The following CNR2 variants were observed in gnomAD, a reference collection of about 807,000 sequenced individuals.
The protein encoded by CNR2 is cannabinoid receptor 2, also known as cannabinoid receptor 2 (macrophage).
For synonymous variants in CNR2, 172 were observed against 182.2 expected, an observed-to-expected ratio of 0.94 and a Z score of 0.45; for missense variants, 379 against 439.9, an observed-to-expected ratio of 0.86 and a Z score of 1.24.
intron 1 of CNR2, chr1:23,902,780 G>C: frequency 6.8e-7 from 1 of 1,464,932 alleles, no homozygotes; most frequent in South Asian, 1.4e-5. Context: ...GTTGCCAAGT[G>C]TGGGCTGCGC....
rs1002566624 is a variant in CNR2 at position 23,901,714 on chromosome 1, G to A, written c.-46+11532C>T. On this transcript the variant is annotated intron_variant, in intron 1 of 1. Transcript: ENST00000374472. ...AGGTGTTACTGGATCTGTCCGACAT[G>A]AATTTGGTCAGATTCTGAGCCAGAA... 8.4e-5 allele frequency: 119 copies of A among 1,412,722 alleles called. 2 individuals are homozygous for A. Among genetic ancestry groups the A allele is most frequent in the Non-Finnish European group, 9.3e-5 (93 of 997,214 alleles). The allele number at this position is 1,412,722 out of a possible 1,614,324, so 87.5% of individuals were successfully genotyped here. A position where few individuals can be genotyped will look rare whatever the true frequency, so the allele number is the denominator to read the frequency against.
chr1:23,898,122 G>A (rs1640315350), intron 1 of CNR2, among the ~76,000 whole-genome samples: 1 of 151,808 alleles, frequency 6.6e-6, no homozygotes, highest in Admixed American at 6.6e-5. Context: ...CGCCTCCTGG[G>A]TTCACGCCAT....
At chr1:23,899,366 C>T (rs1343298341) in intron 1 of CNR2, among the ~76,000 whole-genome samples, 1 of 119,306 alleles carries the variant, frequency 8.4e-6, no homozygotes, top group African/African-American at 3.3e-5. Context: ...TTGCTTCTAA[C>T]CTCCAAGGTG....
chr1:23,898,335 C>CCAATT (rs1230917304), intron 1 of CNR2, among the ~76,000 whole-genome samples: 81 of 108,046 alleles, frequency 7.5e-4, no homozygotes, highest in East Asian at 2.2e-3. Flanking sequence ...CCGCGCCCGG[C>CCAATT]TTTTTTTTTT....
rs987957067 is a variant in CNR2 at position 23,873,472 on chromosome 1, G to A, written c.*1063C>T. The A allele has an allele frequency of 3.9e-5, 6 of 152,182 alleles. No homozygotes were observed. Among genetic ancestry groups the A allele is most frequent in the African/African-American group, 9.7e-5 (4 of 41,430 alleles). 9.4% of individuals were successfully genotyped at this position (152,182 alleles called of 1,614,324 possible). A position where few individuals can be genotyped will look rare whatever the true frequency, so the allele number is the denominator to read the frequency against. On this transcript the variant is annotated 3_prime_UTR_variant, in exon 2 of 2. Coordinates refer to ENST00000374472, the MANE Select transcript of CNR2 (RefSeq NM_001841.3). Reference sequence around the variant, plus strand: ...GCTGGTCTCAAACTCCTGACCTCAGGTGATCCACCTGCCTTGGCCTCCCAA... The same window carrying A: ...GCTGGTCTCAAACTCCTGACCTCAGATGATCCACCTGCCTTGGCCTCCCAA...
intron 1 of CNR2, among the ~76,000 whole-genome samples, chr1:23,903,122 C>T (rs1424863798): frequency 6.6e-6 from 1 of 152,060 alleles, no homozygotes; most frequent in Non-Finnish European, 1.5e-5. Flanking sequence ...GGCTGCCACC[C>T]GTGCCCCTAC....
At chr1:23,910,803 G>T (rs1032533794) in intron 1 of CNR2, among the ~76,000 whole-genome samples, 1 of 152,148 alleles carries the variant, frequency 6.6e-6, no homozygotes, top group Admixed American at 6.5e-5. Flanking sequence ...GTTCAGAAAG[G>T]TGATGTAACT....
chr1:23,875,103 C>T lies in CNR2; in HGVS notation c.515G>A (p.Trp172Ter). 6.2e-7 allele frequency: 1 copy of T among 1,601,352 alleles called. No individual in the cohort carries two copies. The highest frequency in any genetic ancestry group is 1.1e-5 in the South Asian group (1 of 88,872). ...AGAGCAGGGCCTGGGACAGCAAGTC[C>T]ATCCCATGAGGGGCAGGTAGGAGAC... is the stretch of plus-strand genomic sequence containing the variant. ...ALVSYLPLMG[W>*]TCCPRPCSEL... Residue 172 changes from tryptophan (W) to a stop codon, truncating the protein, a stop_gained, in exon 2 of 2, where the codon TGG (tryptophan) becomes TAG (stop). Transcript: ENST00000374472. LOFTEE classifies it low-confidence loss of function (END_TRUNC).
intron 1 of CNR2, among the ~76,000 whole-genome samples, chr1:23,889,801 G>T (rs1640154280): frequency 6.6e-6 from 1 of 152,186 alleles, no homozygotes. Flanking sequence ...GCACCTTACT[G>T]CACCTCTCTG....
intron 1 of CNR2, chr1:23,901,650 C>T: frequency 2.0e-6 from 3 of 1,511,866 alleles, no homozygotes; most frequent in Non-Finnish European, 2.8e-6. Context: ...TAGAAGGTGT[C>T]TTGTTCAACC....
intron 1 of CNR2, among the ~76,000 whole-genome samples, chr1:23,880,995 G>A (rs1037412165): frequency 2.0e-5 from 3 of 151,316 alleles, no homozygotes; most frequent in African/African-American, 7.3e-5. Flanking sequence ...AATAATTAAG[G>A]CTGGGCGTGG....
In CNR2 at chr1:23,875,657, G is replaced by A. The variant is rs201055112; in HGVS notation, c.-40C>T. 6.5e-7 allele frequency: 1 copy of A among 1,547,444 alleles called. No individual in the cohort carries two copies. Among genetic ancestry groups the A allele is most frequent in the African/African-American group, 1.4e-5 (1 of 72,738 alleles). ...AGATTCCACTGAGCTTGTCTAGAAG[G>A]CTTTGCTGCAGTACAATGAGAAGAA... On this transcript the variant is annotated 5_prime_UTR_variant, in exon 2 of 2. Coordinates refer to ENST00000374472, the MANE Select transcript of CNR2 (RefSeq NM_001841.3).
At chr1:23,890,112 A>G (rs1640158807) in intron 1 of CNR2, among the ~76,000 whole-genome samples, 1 of 151,574 alleles carries the variant, frequency 6.6e-6, no homozygotes, top group Non-Finnish European at 1.5e-5. Flanking sequence ...AAATACAAAA[A>G]TTAGCTGGGC....
chr1:23,910,283 T>A (rs1156514383), intron 1 of CNR2, among the ~76,000 whole-genome samples: 3 of 151,872 alleles, frequency 2.0e-5, no homozygotes, highest in African/African-American at 7.3e-5. Flanking sequence ...CTTAAGCTTG[T>A]GTGAGCTTCA....
rs553483419 is a variant in CNR2, at chr1:23,885,885, A to G, written c.-45-10223T>C. ...ATAGCGAGAATCTGTCCTAGGAAAGAAAAAGGGTGGCGGCGGGGGGGTGGC... is the reference window on the plus strand; with the variant it reads ...ATAGCGAGAATCTGTCCTAGGAAAGGAAAAGGGTGGCGGCGGGGGGGTGGC... On this transcript the variant is annotated intron_variant, in intron 1 of 1. Coordinates refer to ENST00000374472, the MANE Select transcript of CNR2 (RefSeq NM_001841.3). 5.9e-3 allele frequency among the ~76,000 whole-genome samples: 455 copies of G among 77,486 alleles called. 10 individuals carry two copies. Among genetic ancestry groups the G allele is most frequent in the African/African-American group, 0.019 (400 of 21,266 alleles). 50.8% of individuals were successfully genotyped at this position (77,486 alleles called of 152,430 possible). A position where few individuals can be genotyped will look rare whatever the true frequency, so the allele number is the denominator to read the frequency against.
chr1:23,905,410 C>A (rs886111614), intron 1 of CNR2, among the ~76,000 whole-genome samples: 1 of 151,560 alleles, frequency 6.6e-6, no homozygotes, highest in African/African-American at 2.4e-5. Context: ...AAACTCCTGA[C>A]CTCAGGTGAT....
At chr1:23,901,669 G>A (rs1640400972) in intron 1 of CNR2, 5 of 1,491,050 alleles carry the variant, frequency 3.4e-6, no homozygotes, top group Non-Finnish European at 4.7e-6. Flanking sequence ...CCTGGACCGG[G>A]TGTTCAAACC....
intron 1 of CNR2, among the ~76,000 whole-genome samples, chr1:23,903,423 A>C: frequency 6.6e-6 from 1 of 151,548 alleles, no homozygotes; most frequent in Admixed American, 6.6e-5. Context: ...AATAAAAAAA[A>C]ATTAGCCAGG....
chr1:23,884,055 C>T (rs1640037760), intron 1 of CNR2, among the ~76,000 whole-genome samples: 1 of 149,224 alleles, frequency 6.7e-6, no homozygotes, highest in Non-Finnish European at 1.5e-5. Context: ...ATCTGTGCCT[C>T]TCTATAGACA....
Sources: allele counts gnomAD v4.1 joint callset (sites outside exome capture counted in the v4.1 genomes callset), GRCh38; gene constraint gnomAD v4.1.1; transcripts MANE v1.5; gene names NCBI Gene and HGNC (gene_info 2026-07-23, HGNC 2026-07-21).